NCAN: variants seen among roughly 807,000 people sequenced by gnomAD.
The protein encoded by NCAN is neurocan.
NCAN carries 47 observed loss-of-function variants against 121.8 expected under a neutral mutation model. The observed-to-expected ratio is 0.39, with a 90% confidence interval of 0.31 to 0.49. The LOEUF is 0.49. Among genes scored for constraint, NCAN ranks in the 20% least tolerant of loss-of-function variants. The pLI is 0.92. For missense variants in NCAN, 1,517 were observed against 1,773.4 expected (o/e 0.86, Z 2.60); for synonymous variants, 633 against 702.0 (o/e 0.90, Z 1.55).
At chr19:19,235,795 G>A (rs1476900070) in intron 10 of NCAN, among the ~76,000 whole-genome samples, 2 of 152,044 alleles carry the variant, frequency 1.3e-5, no homozygotes, top group Admixed American at 6.6e-5. Context: ...AGGCTGGATG[G>A]AGTGCAGTGG....
chr19:19,216,656 G>T (rs1384918088), intron 1 of NCAN, among the ~76,000 whole-genome samples: 4 of 150,936 alleles, frequency 2.7e-5, no homozygotes, highest in African/African-American at 9.7e-5. Context: ...TGCCCAGGCT[G>T]GTCTCAAGCT....
In NCAN at chr19:19,226,570, C is replaced by T. The variant is rs1231507898; in HGVS notation, c.1157C>T (p.Pro386Leu). 6.2e-7 allele frequency: 1 copy of T among 1,613,716 alleles called. No individual in the cohort carries two copies. Among genetic ancestry groups the T allele is most frequent in the South Asian group, 1.1e-5 (1 of 91,084 alleles). The change falls in exon 7 of 15, where the codon CCA becomes CTA. Residue 386 changes from proline to leucine, a missense_variant. Transcript: ENST00000252575. ...EGEILSAEGP[P>L]VRELEPTLEE... ...GAGATTCTGTCAGCAGAGGGGCCCCCAGTTAGAGAACTGGAGCCCACCCTG... is the reference window on the plus strand; with the variant it reads ...GAGATTCTGTCAGCAGAGGGGCCCCTAGTTAGAGAACTGGAGCCCACCCTG...
intron 4 of NCAN, 44 bp downstream of exon 4, chr19:19,224,239 G>A: frequency 1.3e-6 from 2 of 1,592,612 alleles, no homozygotes; most frequent in Non-Finnish European, 1.7e-6. Flanking sequence ...CTAGCTCATG[G>A]GGAAGGAGGT....
intron 3 of NCAN, among the ~76,000 whole-genome samples, chr19:19,223,040 C>T (rs184081754): frequency 2.6e-5 from 4 of 152,084 alleles, no homozygotes; most frequent in Admixed American, 6.6e-5. Context: ...ACCCGGGAGG[C>T]GGAGCTTGCA....
Position 19,250,836 on chromosome 19 carries a change from G to A in NCAN, c.*925G>A, listed in dbSNP as rs1325148010. On this transcript the variant is annotated 3_prime_UTR_variant, in exon 15 of 15. Transcript: ENST00000252575. ...GACATTGGTAGTGCCCCTGCCCTGG[G>A]TCCCACTCCTGCCCCACCCCACCCT... The A allele has an allele frequency of 6.3e-6, 1 of 157,804 alleles. No individual in the cohort carries two copies. The highest frequency in any genetic ancestry group is 1.6e-4 in the East Asian group (1 of 6,258). The allele number at this position is 157,804 out of a possible 1,614,324, so 9.8% of individuals were successfully genotyped here.
intron 13 of NCAN, among the ~76,000 whole-genome samples, chr19:19,248,114 C>T (rs1243211624): frequency 6.6e-6 from 1 of 152,036 alleles, no homozygotes; most frequent in Non-Finnish European, 1.5e-5. Flanking sequence ...TGCCACTGCA[C>T]TCCAGCCTGA....
Position 19,250,273 on chromosome 19 carries a change from AG to A in NCAN, c.*364del. On this transcript the variant is annotated 3_prime_UTR_variant, in exon 15 of 15. Transcript: ENST00000252575. ...TGAGTGTATGTTTGCATTCACATGA[AG>A]GAATTGCTTTTCACACCAGAAATTC... The A allele has an allele frequency of 2.4e-6, 1 of 413,330 alleles. No homozygotes were observed. The highest frequency in any genetic ancestry group is 4.7e-6 in the Non-Finnish European group (1 of 214,978). The allele number at this position is 413,330 out of a possible 1,614,324, so 25.6% of individuals were successfully genotyped here.
chr19:19,244,105 A>G (rs892804183), intron 12 of NCAN, among the ~76,000 whole-genome samples: 8 of 152,138 alleles, frequency 5.3e-5, no homozygotes, highest in South Asian at 4.1e-4. Context: ...TTTTGCCACA[A>G]TTTTTAAAAA....
Position 19,244,017 on chromosome 19 carries a change from CAAACA to C in NCAN, c.3493-1272_3493-1268del, listed in dbSNP as rs573029413. 3.4e-3 allele frequency among the ~76,000 whole-genome samples: 520 copies of C among 152,038 alleles called. 1 individual carries two copies. The highest frequency in any genetic ancestry group is 4.7e-3 in the Non-Finnish European group (319 of 68,016). ...CTACACTCCAGCCTGGGCTCTGTCT[CAAACA>C]AAACAAAACAAAACAAAACAAAAAT... On this transcript the variant is annotated intron_variant, in intron 12 of 14. Transcript: ENST00000252575.
chr19:19,231,443 C>T (rs1445731227), intron 8 of NCAN, among the ~76,000 whole-genome samples: 1 of 151,862 alleles, frequency 6.6e-6, no homozygotes, highest in Non-Finnish European at 1.5e-5. Flanking sequence ...ATTTTCATGC[C>T]TCAGCCTCCT....
chr19:19,224,002 C>T lies in NCAN; in HGVS notation c.476-19C>T. ...CAGCATAAGTCAACTGTCCCCCCATCCTGGATGTTCCCCCACAGGTGTTGT... is the reference window on the plus strand; with the variant it reads ...CAGCATAAGTCAACTGTCCCCCCATTCTGGATGTTCCCCCACAGGTGTTGT... On this transcript the variant is annotated intron_variant, in intron 3 of 14. Transcript: ENST00000252575. The T allele has an allele frequency of 6.7e-7, 1 of 1,503,156 alleles. No individual in the cohort carries two copies. Among genetic ancestry groups the T allele is most frequent in the Non-Finnish European group, 8.9e-7 (1 of 1,120,770 alleles). 93.1% of individuals were successfully genotyped at this position (1,503,156 alleles called of 1,614,324 possible). A position where few individuals can be genotyped will look rare whatever the true frequency, so the allele number is the denominator to read the frequency against.
Position 19,233,900 on chromosome 19 carries a change from A to G in NCAN, c.3131A>G (p.Glu1044Gly), listed in dbSNP as rs1382919590. ...CDQGFAGENC[E>G]IDIDDCLCSP... is the part of the protein sequence containing the mutation. Reference sequence around the variant, plus strand: ...CAGGGCTTCGCCGGGGAGAACTGTGAGATTGGTGAGTACCCCAGACTCAGG... The same window carrying G: ...CAGGGCTTCGCCGGGGAGAACTGTGGGATTGGTGAGTACCCCAGACTCAGG... Residue 1044 changes from glutamate to glycine, a missense_variant, in exon 9 of 15, where the codon GAG (glutamate) becomes GGG (glycine). Transcript: ENST00000252575. 2.5e-6 allele frequency: 4 copies of G among 1,596,938 alleles called. No homozygotes were observed. In the South Asian group the frequency reaches 4.4e-5, roughly 18 times the overall value.
chr19:19,230,507 T>C (rs550346839), intron 8 of NCAN, among the ~76,000 whole-genome samples: 12 of 148,924 alleles, frequency 8.1e-5, no homozygotes, highest in African/African-American at 3.0e-4. Context: ...CAGGCTCAGG[T>C]GATCCTTCTG....
chr19:19,216,434 C>T (rs1011304009), intron 1 of NCAN, among the ~76,000 whole-genome samples: 2 of 152,100 alleles, frequency 1.3e-5, no homozygotes, highest in Non-Finnish European at 2.9e-5. Context: ...GCCTCAGCCT[C>T]CTGAGTAGCT....
chr19:19,244,135 T>G (rs2060915019), intron 12 of NCAN, among the ~76,000 whole-genome samples: 3 of 152,128 alleles, frequency 2.0e-5, no homozygotes, highest in Non-Finnish European at 2.9e-5. Context: ...TTTTCTCTGA[T>G]GCAAGATCTG....
In NCAN at chr19:19,250,080, A is replaced by G. The variant is rs566502261; in HGVS notation, c.*169A>G. 1.4e-4 allele frequency: 111 copies of G among 800,212 alleles called. No individual in the cohort carries two copies. The highest frequency in any genetic ancestry group is 4.4e-4 in the Middle Eastern group (2 of 4,558). 49.6% of individuals were successfully genotyped at this position (800,212 alleles called of 1,614,324 possible). A position where few individuals can be genotyped will look rare whatever the true frequency, so the allele number is the denominator to read the frequency against. Reference sequence around the variant, plus strand: ...CAAAGCTCCTCTTTTCCCTTTTTTTACATACACAAGATCCTCTTGGCAGGT... The same window carrying G: ...CAAAGCTCCTCTTTTCCCTTTTTTTGCATACACAAGATCCTCTTGGCAGGT... On this transcript the variant is annotated 3_prime_UTR_variant, in exon 15 of 15. Transcript: ENST00000252575.
chr19:19,251,590 C>G lies in NCAN; in HGVS notation c.*1679C>G, dbSNP rs1415768186. ...CCATCACCAAATCCTTACTCCAAAT[C>G]CAGAAGTCAGAGCCAACTCCCATCT... On this transcript the variant is annotated 3_prime_UTR_variant, in exon 15 of 15. Transcript: ENST00000252575. The G allele has an allele frequency of 6.6e-6, 1 of 152,154 alleles. No individual in the cohort carries two copies. The highest frequency in any genetic ancestry group is 1.9e-4 in the East Asian group (1 of 5,198). The allele number at this position is 152,154 out of a possible 1,614,324, so 9.4% of individuals were successfully genotyped here. A position where few individuals can be genotyped will look rare whatever the true frequency, so the allele number is the denominator to read the frequency against.
At chr19:19,233,591 G>T (rs1265272138) in intron 8 of NCAN, among the ~76,000 whole-genome samples, 198 bp from the exon 9 acceptor site, 1 of 152,182 alleles carries the variant, frequency 6.6e-6, no homozygotes, top group Non-Finnish European at 1.5e-5. Context: ...GATGCTTTGG[G>T]GCAGTTTCTG....
chr19:19,237,813 G>A (rs1471691771), intron 10 of NCAN, among the ~76,000 whole-genome samples: 1 of 152,210 alleles, frequency 6.6e-6, no homozygotes, highest in Non-Finnish European at 1.5e-5. Flanking sequence ...GGAGGCTGAG[G>A]TGGGCAGATC....
Sources: allele counts gnomAD v4.1 joint callset (sites outside exome capture counted in the v4.1 genomes callset), GRCh38; gene constraint gnomAD v4.1.1; transcripts MANE v1.5; gene names NCBI Gene and HGNC (gene_info 2026-07-23, HGNC 2026-07-21).